The following PRDM9 variants were observed in gnomAD, a reference collection of about 807,000 sequenced individuals.
The protein encoded by PRDM9 is histone-lysine N-methyltransferase PRDM9.
PRDM9 carries 47 observed loss-of-function variants against 55.6 expected under a neutral mutation model. That is an observed-to-expected ratio of 0.85 (90% CI 0.67 to 1.08). The LOEUF is 1.08. Among genes scored for constraint, PRDM9 ranks in the 50% least tolerant of loss-of-function variants. The pLI is 0.00. For missense variants in PRDM9, 867 were observed against 1,040.3 expected (o/e 0.83, Z 2.29); for synonymous variants, 312 against 375.7 (o/e 0.83, Z 1.96).
intron 4 of PRDM9, among the ~76,000 whole-genome samples, chr5:23,512,219 G>A (rs1739113014): frequency 6.6e-6 from 1 of 152,106 alleles, no homozygotes; most frequent in South Asian, 2.1e-4. Flanking sequence ...TCTGGAGCGG[G>A]TTTGAGAGAG....
intron 5 of PRDM9, among the ~76,000 whole-genome samples, 190 bp downstream of exon 5, chr5:23,518,120 T>A (rs1273899827): frequency 6.6e-6 from 1 of 152,248 alleles, no homozygotes; most frequent in Non-Finnish European, 1.5e-5. Context: ...ACCATGGTGT[T>A]ATTTTCTCAG....
Position 23,526,634 on chromosome 5 carries a change from G to T in PRDM9, c.1546G>T (p.Val516Leu), listed in dbSNP as rs749571211. The change falls in exon 11 of 11, where the codon GTA becomes TTA. Residue 516 changes from valine (V) to leucine (L), a missense_variant. Physicochemically the swap from Val to Leu is conservative, Grantham distance 32 (BLOSUM62 1). Transcript: ENST00000296682. ...GAACACAGGCAAATTATTTGTGGGGGTAGGAATCTCAAGAATTGCAAAAGT... is the reference window on the plus strand; with the variant it reads ...GAACACAGGCAAATTATTTGTGGGGTTAGGAATCTCAAGAATTGCAAAAGT... ...PGNTGKLFVG[V>L]GISRIAKVKY... is the part of the protein sequence containing the mutation. The T allele has an allele frequency of 1.2e-6, 2 of 1,614,122 alleles. No homozygotes were observed. The highest frequency in any genetic ancestry group is 1.7e-6 in the Non-Finnish European group (2 of 1,180,060).
intron 9 of PRDM9, 74 bp downstream of exon 9, chr5:23,523,432 T>TGAGGGAGGC: frequency 6.9e-7 from 1 of 1,457,644 alleles, no homozygotes; most frequent in Non-Finnish European, 9.6e-7. Context: ...TCCTTATCAT[T>TGAGGGAGGC]ATGCCTCCCT....
chr5:23,524,536 C>A lies in PRDM9; in HGVS notation c.1144+9C>A. The A allele has an allele frequency of 1.2e-6, 2 of 1,613,548 alleles. No homozygotes were observed. Among genetic ancestry groups the A allele is most frequent in the Non-Finnish European group, 1.7e-6 (2 of 1,179,588 alleles). On this transcript the variant is annotated intron_variant, in intron 10 of 10. Transcript: ENST00000296682. The stretch of plus-strand genomic sequence containing the variant: ...GCTCATGGCAGGGAGAGGTAGGCAT[C>A]ACTATTACTCTTTTAAAAGGACAGG...
At position 23,516,004 on chromosome 5, in the gene PRDM9, G is replaced by C. The variant is rs1379357608; in HGVS notation, c.302-1877G>C. On this transcript the variant is annotated intron_variant, in intron 4 of 10. Coordinates refer to ENST00000296682, the MANE Select transcript of PRDM9 (RefSeq NM_020227.4). ...GGTTCAGCTATTCTGAGTCCTTAGAGATTCTATATGAATTTTTGGATATTT... is the reference window on the plus strand; with the variant it reads ...GGTTCAGCTATTCTGAGTCCTTAGACATTCTATATGAATTTTTGGATATTT... Among the ~76,000 whole-genome samples, 3 of 152,176 alleles carry C rather than the reference G, an allele frequency of 2.0e-5. No homozygotes were observed. The East Asian group carries it at 5.8e-4, about 29-fold the overall frequency.
chr5:23,524,620 C>T, intron 10 of PRDM9, 93 bp downstream of exon 10: 1 of 1,553,100 alleles, frequency 6.4e-7, no homozygotes, highest in Non-Finnish European at 8.8e-7. Context: ...AGTAAAATGC[C>T]ATCTAAAGTC....
intron 5 of PRDM9, among the ~76,000 whole-genome samples, chr5:23,518,682 C>T (rs1375613711): frequency 6.6e-6 from 1 of 152,144 alleles, no homozygotes; most frequent in East Asian, 1.9e-4. Context: ...AGGTTACATC[C>T]TATTAAGTAA....
chr5:23,507,949 A>G (rs1739017828), intron 1 of PRDM9, among the ~76,000 whole-genome samples: 1 of 152,004 alleles, frequency 6.6e-6, no homozygotes. Context: ...TCTGAGCCTG[A>G]GAAGCCGCAA....
At chr5:23,524,772 A>C (rs1739400257) in intron 10 of PRDM9, among the ~76,000 whole-genome samples, 1 of 152,228 alleles carries the variant, frequency 6.6e-6, no homozygotes, top group Non-Finnish European at 1.5e-5. Context: ...ATAACAGCAT[A>C]TAGTGCTGAA....
chr5:23,525,838 G>A (rs1739418482), intron 10 of PRDM9, among the ~76,000 whole-genome samples: 1 of 152,194 alleles, frequency 6.6e-6, no homozygotes, highest in East Asian at 1.9e-4. Flanking sequence ...AAGGTCTCAT[G>A]TCAGCAAAAG....
At position 23,526,257 on chromosome 5, in the gene PRDM9, G is replaced by A; in HGVS notation, c.1169G>A (p.Cys390Tyr). 1.2e-6 allele frequency: 2 copies of A among 1,614,162 alleles called. No individual in the cohort carries two copies. Among genetic ancestry groups the A allele is most frequent in the Non-Finnish European group, 8.5e-7 (1 of 1,180,044 alleles). Residue 390 changes from cysteine to tyrosine, a missense_variant, in exon 11 of 11, where the codon TGT becomes TAT. Cys to Tyr is a radical substitution (Grantham distance 194). Coordinates refer to ENST00000296682, the MANE Select transcript of PRDM9 (RefSeq NM_020227.4). ...GAACCAAAGCCAGAGATCCATCCAT[G>A]TCCCTCATGCTGTCTGGCCTTTTCA... is the stretch of plus-strand genomic sequence containing the variant. ...GREPKPEIHP[C>Y]PSCCLAFSSQ...
At position 23,527,290 on chromosome 5, in the gene PRDM9, C is replaced by A; in HGVS notation, c.2202C>A (p.His734Gln). 1 of 1,531,538 alleles carries A rather than the reference C, an allele frequency of 6.5e-7. No individual in the cohort carries two copies. The highest frequency in any genetic ancestry group is 1.2e-5 in the South Asian group (1 of 86,034). The allele number at this position is 1,531,538 out of a possible 1,614,324, so 94.9% of individuals were successfully genotyped here. A position where few individuals can be genotyped will look rare whatever the true frequency, so the allele number is the denominator to read the frequency against. The change falls in exon 11 of 11, where the codon CAC becomes CAA. Residue 734 changes from histidine to glutamine, a missense_variant. This residue lies in a region of PRDM9 where 92 missense variants were observed against 185.7 expected (regional missense o/e 0.50). Transcript: ENST00000296682. ...GGCGGGGCTTTAGCAATAAGTCACACCTCCTCAGACACCAGAGGACACACA... is the reference window on the plus strand; with the variant it reads ...GGCGGGGCTTTAGCAATAAGTCACAACTCCTCAGACACCAGAGGACACACA... ...ECGRGFSNKS[H>Q]LLRHQRTHTG...
chr5:23,527,695 T>TA lies in PRDM9; in HGVS notation c.2608dup (p.Ser870LysfsTer3). On this transcript the variant is annotated frameshift_variant, in exon 11 of 11. Coordinates refer to ENST00000296682, the MANE Select transcript of PRDM9 (RefSeq NM_020227.4). LOFTEE classifies it low-confidence loss of function (END_TRUNC). ...TCTGCAGGGAGTGTGGGCGGGGCTT[T>TA]AGCGATAGGTCAAGCCTCTGCTATC... The TA allele has an allele frequency of 1.3e-6, 2 of 1,587,750 alleles. No homozygotes were observed. Among genetic ancestry groups the TA allele is most frequent in the Non-Finnish European group, 1.7e-6 (2 of 1,166,180 alleles).
intron 4 of PRDM9, among the ~76,000 whole-genome samples, chr5:23,511,642 G>A (rs1301498884): frequency 2.0e-5 from 3 of 151,950 alleles, no homozygotes; most frequent in Non-Finnish European, 2.9e-5. Flanking sequence ...CACCACACCT[G>A]GCCTCATATA....
At chr5:23,517,228 C>G (rs1739231216) in intron 4 of PRDM9, among the ~76,000 whole-genome samples, 1 of 148,250 alleles carries the variant, frequency 6.7e-6, no homozygotes, top group Admixed American at 6.7e-5. Flanking sequence ...TCCTTCTATT[C>G]CTAGTTTGTT....
intron 6 of PRDM9, among the ~76,000 whole-genome samples, chr5:23,522,073 G>A (rs1486343116): frequency 6.6e-6 from 1 of 152,180 alleles, no homozygotes; most frequent in Non-Finnish European, 1.5e-5. Flanking sequence ...AAGTAGAAAT[G>A]TTGGGAGGTT....
chr5:23,517,937 A>T lies in PRDM9; in HGVS notation c.351+7A>T, dbSNP rs78218524. The stretch of plus-strand genomic sequence containing the variant: ...ACAGCGTAAACACCAGAAGGTAAGT[A>T]TTTCCCAAATCCTATTGACAAGAAA... On this transcript the variant is annotated splice_region_variant and intron_variant, in intron 5 of 10. Transcript: ENST00000296682. 7.7e-4 allele frequency: 1,218 copies of T among 1,586,020 alleles called. 12 individuals are homozygous for T. The African/African-American group carries it at 0.014, about 19-fold the overall frequency.
intron 2 of PRDM9, 38 bp from the exon 3 acceptor site, chr5:23,509,432 A>G: frequency 1.2e-6 from 2 of 1,614,052 alleles, no homozygotes; most frequent in Middle Eastern, 3.3e-4. Context: ...CTTGATGTGT[A>G]CTAGTAAATC....
At chr5:23,526,082 T>G in intron 10 of PRDM9, 151 bp from the exon 11 acceptor site, 1 of 868,052 alleles carries the variant, frequency 1.2e-6, no homozygotes, top group Admixed American at 2.3e-5. Context: ...AATGGAAAAA[T>G]GGACTGTAAA....
Sources: gnomAD v4.1 joint callset for allele counts (sites outside exome capture counted in the v4.1 genomes callset) on GRCh38, gnomAD v4.1.1 for gene constraint, gnomAD v4.1.1 regional missense constraint, MANE v1.5 for transcripts, NCBI Gene and HGNC (gene_info 2026-07-23, HGNC 2026-07-21) for gene names.